The following STEAP2 variants were observed in gnomAD, a reference collection of about 807,000 sequenced individuals.
STEAP2 encodes STEAP2 metalloreductase.
STEAP2 carries 30 observed loss-of-function variants against 46.4 expected under a neutral mutation model. That is an observed-to-expected ratio of 0.65 (90% CI 0.48 to 0.88). The LOEUF is 0.88. Ranked by LOEUF, STEAP2 falls within the 40% of genes least tolerant of loss-of-function variation. The pLI is 0.00. For missense variants in STEAP2, 513 were observed against 579.3 expected (o/e 0.89, Z 1.18); for synonymous variants, 180 against 200.5 (o/e 0.90, Z 0.86).
chr7:90,235,354 A>G lies in STEAP2; in HGVS notation c.*2730A>G, dbSNP rs185550822. On this transcript the variant is annotated 3_prime_UTR_variant, in exon 6 of 6. Coordinates refer to ENST00000394621, the MANE Select transcript of STEAP2 (RefSeq NM_001244944.2). Reference sequence around the variant, plus strand: ...ATTCTAAATGTTTAAATGCTTTTCTAAAAATGCAAAACTATGATGTTTAGT... The same window carrying G: ...ATTCTAAATGTTTAAATGCTTTTCTGAAAATGCAAAACTATGATGTTTAGT... 4.1e-4 allele frequency: 394 copies of G among 957,946 alleles called. No individual in the cohort carries two copies. The highest frequency in any genetic ancestry group is 4.6e-4 in the Non-Finnish European group (373 of 804,766). The allele number at this position is 957,946 out of a possible 1,614,324, so 59.3% of individuals were successfully genotyped here. A position where few individuals can be genotyped will look rare whatever the true frequency, so the allele number is the denominator to read the frequency against.
At chr7:90,225,855 A>G (rs1181611685) in intron 3 of STEAP2, among the ~76,000 whole-genome samples, 1 of 152,220 alleles carries the variant, frequency 6.6e-6, no homozygotes, top group Admixed American at 6.5e-5. Context: ...ACAAGCTTTT[A>G]TAAGTAAACA....
rs1795519648 is a variant in STEAP2 at position 90,227,016 on chromosome 7, G to C, written c.538G>C (p.Glu180Gln). ...TATTCAAGCGCGACAACAGGTTATT[G>C]AACTTGCCCGCCAGTTGAATTTCAT... Reference protein sequence around the residue: ...NNIQARQQVIELARQLNFIPI... With the variant: ...NNIQARQQVIQLARQLNFIPI... Residue 180 changes from glutamate to glutamine, a missense_variant, in exon 4 of 6, where the codon GAA becomes CAA. Glu to Gln is a conservative substitution (Grantham distance 29). Coordinates refer to ENST00000394621, the MANE Select transcript of STEAP2 (RefSeq NM_001244944.2). 6.2e-7 allele frequency: 1 copy of C among 1,610,168 alleles called. No homozygotes were observed. The highest frequency in any genetic ancestry group is 1.1e-5 in the South Asian group (1 of 90,234).
intron 3 of STEAP2, 148 bp downstream of exon 3, chr7:90,225,722 T>TTACAAGGTCAG: frequency 1.1e-6 from 1 of 950,656 alleles, no homozygotes; most frequent in Non-Finnish European, 1.5e-6. Context: ...ATTAATGTCC[T>TTACAAGGTCAG]GACCTTGTAA....
intron 2 of STEAP2, among the ~76,000 whole-genome samples, chr7:90,216,873 T>C (rs908684904): frequency 4.6e-5 from 7 of 152,238 alleles, no homozygotes; most frequent in South Asian, 2.1e-4. Context: ...GTCATCACTG[T>C]GTTTTAAAAC....
chr7:90,217,126 TA>T (rs1177974695), intron 2 of STEAP2, among the ~76,000 whole-genome samples: 10 of 152,338 alleles, frequency 6.6e-5, no homozygotes, highest in South Asian at 2.1e-4. Context: ...GACTAACTTT[TA>T]AAACAAATTG....
rs17862128 is a variant in STEAP2 at position 90,229,769 on chromosome 7, C to A, written c.1021-103C>A. On this transcript the variant is annotated intron_variant, in intron 4 of 5. Coordinates refer to ENST00000394621, the MANE Select transcript of STEAP2 (RefSeq NM_001244944.2). Reference sequence around the variant, plus strand: ...AGACTAAATTAGTACAACTTAAATACGTCCATATATGACCAGGTTCTTCTT... The same window carrying A: ...AGACTAAATTAGTACAACTTAAATAAGTCCATATATGACCAGGTTCTTCTT... 2.7e-5 allele frequency: 40 copies of A among 1,484,958 alleles called. No individual in the cohort carries two copies. The South Asian group carries it at 5.2e-4, about 19-fold the overall frequency. 92.0% of individuals were successfully genotyped at this position (1,484,958 alleles called of 1,614,324 possible). A position where few individuals can be genotyped will look rare whatever the true frequency, so the allele number is the denominator to read the frequency against.
intron 1 of STEAP2, chr7:90,215,759 A>G (rs1178068116): frequency 6.6e-6 from 1 of 152,176 alleles, no homozygotes; most frequent in Admixed American, 6.6e-5. Context: ...AAAACTTTCT[A>G]TAAATGACAT....
At chr7:90,241,240 CT>C (rs1796055954), downstream of STEAP2, among the ~76,000 whole-genome samples, 2 of 151,996 alleles carry the variant, frequency 1.3e-5, no homozygotes, top group Non-Finnish European at 2.9e-5. Context: ...GGCTGAGGAT[CT>C]TGAGAGATCA....
rs1194944221 is a variant in STEAP2 at position 90,235,648 on chromosome 7, G to A, written c.*3024G>A. 1 of 963,828 alleles carries A rather than the reference G, an allele frequency of 1.0e-6. No homozygotes were observed. Among genetic ancestry groups the A allele is most frequent in the African/African-American group, 1.8e-5 (1 of 56,660 alleles). The allele number at this position is 963,828 out of a possible 1,614,324, so 59.7% of individuals were successfully genotyped here. A position where few individuals can be genotyped will look rare whatever the true frequency, so the allele number is the denominator to read the frequency against. On this transcript the variant is annotated 3_prime_UTR_variant, in exon 6 of 6. Transcript: ENST00000394621. ...AAAAATCAAGTAATTGTTTTCCTAT[G>A]AGGAAAATAACCATGAGCTGTATCA...
At chr7:90,230,828 A>C (rs1795710747) in intron 5 of STEAP2, among the ~76,000 whole-genome samples, 1 of 151,584 alleles carries the variant, frequency 6.6e-6, no homozygotes, top group African/African-American at 2.4e-5. Context: ...TTTTGTTTCA[A>C]TTCATTGCTT....
intron 1 of STEAP2, among the ~76,000 whole-genome samples, chr7:90,214,469 A>G (rs1463311840): frequency 1.3e-5 from 2 of 152,132 alleles, no homozygotes; most frequent in Admixed American, 6.5e-5. Flanking sequence ...CTGGTCTTTG[A>G]TAGGTAAAAT....
intron 2 of STEAP2, among the ~76,000 whole-genome samples, chr7:90,216,863 G>A (rs189244699): frequency 4.1e-4 from 62 of 152,124 alleles, no homozygotes; most frequent in Admixed American, 3.3e-3. Context: ...GGGGTGACCC[G>A]TCATCACTGT....
intron 2 of STEAP2, among the ~76,000 whole-genome samples, chr7:90,223,998 T>C (rs1380378058): frequency 4.6e-5 from 7 of 152,316 alleles, no homozygotes; most frequent in African/African-American, 1.4e-4. Context: ...GGTTTTTCTT[T>C]CTTCTCTTGT....
At chr7:90,229,775 T>C in intron 4 of STEAP2, 97 bp from the exon 5 acceptor site, 1 of 1,516,710 alleles carries the variant, frequency 6.6e-7, no homozygotes, top group Non-Finnish European at 8.8e-7. Context: ...AATACGTCCA[T>C]ATATGACCAG....
At position 90,225,155 on chromosome 7, in the gene STEAP2, A is replaced by G. The variant is rs764195831; in HGVS notation, c.73A>G (p.Ile25Val). 44 of 1,613,982 alleles carry G rather than the reference A, an allele frequency of 2.7e-5. No homozygotes were observed. In the South Asian group the frequency reaches 4.6e-4, roughly 17 times the overall value. ...ETFLPNGING[I>V]KDARKVTVGV... ...TTTTTTACCTAATGGCATAAATGGT[A>G]TCAAAGATGCAAGGAAGGTCACTGT... The change falls in exon 3 of 6, where the codon ATC (isoleucine) becomes GTC (valine). Residue 25 changes from isoleucine (I) to valine (V), a missense_variant. Ile to Val is a conservative substitution (Grantham distance 29). Coordinates refer to ENST00000394621, the MANE Select transcript of STEAP2 (RefSeq NM_001244944.2).
chr7:90,234,186 A>C lies in STEAP2; in HGVS notation c.*1562A>C. 1.0e-6 allele frequency: 1 copy of C among 985,400 alleles called. No homozygotes were observed. The highest frequency in any genetic ancestry group is 1.2e-6 in the Non-Finnish European group (1 of 829,900). 61.0% of individuals were successfully genotyped at this position (985,400 alleles called of 1,614,324 possible). On this transcript the variant is annotated 3_prime_UTR_variant, in exon 6 of 6. Transcript: ENST00000394621. Reference sequence around the variant, plus strand: ...GGCTAATTATAAATCTACTCTAGAGACATATAATCATACAGATTATTCATA... The same window carrying C: ...GGCTAATTATAAATCTACTCTAGAGCCATATAATCATACAGATTATTCATA...
chr7:90,216,313 C>T (rs1795011658), intron 1 of STEAP2, 178 bp from the exon 2 acceptor site: 1 of 152,126 alleles, frequency 6.6e-6, no homozygotes, highest in South Asian at 2.1e-4. Context: ...AAACAGTGGT[C>T]TGCTCAGGTC....
intron 2 of STEAP2, among the ~76,000 whole-genome samples, chr7:90,217,106 A>G (rs1481774733): frequency 6.6e-6 from 1 of 152,238 alleles, no homozygotes; most frequent in African/African-American, 2.4e-5. Flanking sequence ...TTCTTGAAGA[A>G]GCCTGCTTAG....
downstream of STEAP2, among the ~76,000 whole-genome samples, chr7:90,240,148 T>G (rs1159177111): frequency 2.0e-5 from 3 of 151,964 alleles, no homozygotes; most frequent in Admixed American, 6.6e-5. This position sits in a 1 kb window ranked among gnomAD's most constrained non-coding sequence, Gnocchi z 4.1. Context: ...TGGCACACAC[T>G]TGTAGTTCCA....
Sources: allele counts gnomAD v4.1 joint callset (sites outside exome capture counted in the v4.1 genomes callset), GRCh38; gene constraint gnomAD v4.1.1; non-coding constraint Gnocchi (gnomAD v3.1); transcripts MANE v1.5; gene names NCBI Gene and HGNC (gene_info 2026-07-23, HGNC 2026-07-21).